Variants in EFNA5 observed in about 807,000 individuals in gnomAD.
EFNA5 encodes ephrin A5, also known as ephrin-A5.
A neutral mutation model predicts 22.9 loss-of-function variants in EFNA5; 5 were observed. That is an observed-to-expected ratio of 0.22 (90% CI 0.11 to 0.46). The LOEUF is 0.46. Ranked by LOEUF, EFNA5 falls within the 20% of genes least tolerant of loss-of-function variation. The pLI, the probability that EFNA5 is intolerant of heterozygous loss-of-function variation, is 0.99. For synonymous variants in EFNA5, 113 were observed against 112.2 expected, an observed-to-expected ratio of 1.01 and a Z score of -0.04; for missense variants, 237 against 293.3, an observed-to-expected ratio of 0.81 and a Z score of 1.40.
At chr5:107,611,048 TTC>T (rs932744859) in intron 1 of EFNA5, among the ~76,000 whole-genome samples, 8 of 152,150 alleles carry the variant, frequency 5.3e-5, no homozygotes, top group African/African-American at 1.7e-4. Context: ...CCCAATGATA[TTC>T]TGTCTCAAAT....
intron 1 of EFNA5, among the ~76,000 whole-genome samples, chr5:107,505,973 T>A (rs1747242523): frequency 6.6e-6 from 1 of 152,158 alleles, no homozygotes; most frequent in Non-Finnish European, 1.5e-5. Flanking sequence ...GAGCCAAGAT[T>A]TAAACCCTGG....
At chr5:107,534,101 G>A (rs1001253110) in intron 1 of EFNA5, among the ~76,000 whole-genome samples, 5 of 152,204 alleles carry the variant, frequency 3.3e-5, no homozygotes, top group African/African-American at 9.6e-5. Flanking sequence ...GACACTGTGT[G>A]TCTGAGCTTG....
intron 1 of EFNA5, among the ~76,000 whole-genome samples, chr5:107,629,676 G>T (rs1750208175): frequency 6.6e-6 from 1 of 152,212 alleles, no homozygotes; most frequent in African/African-American, 2.4e-5. Context: ...CATAACTAAA[G>T]TTGTCCAACC....
chr5:107,393,411 A>G (rs917453215), intron 2 of EFNA5, among the ~76,000 whole-genome samples: 1 of 152,218 alleles, frequency 6.6e-6, no homozygotes, highest in Non-Finnish European at 1.5e-5. Context: ...CAGGCCCAAC[A>G]CTGTACTCAT....
chr5:107,489,241 T>C (rs1746731787), intron 1 of EFNA5, among the ~76,000 whole-genome samples: 1 of 152,164 alleles, frequency 6.6e-6, no homozygotes. Flanking sequence ...TAGGGCAATC[T>C]TGGCTCACTG....
intron 1 of EFNA5, among the ~76,000 whole-genome samples, chr5:107,539,838 T>C (rs1158020862): frequency 6.6e-6 from 1 of 152,136 alleles, no homozygotes; most frequent in Admixed American, 6.5e-5. Flanking sequence ...CTATGGTTAA[T>C]TAAAAGGAGA....
intron 2 of EFNA5, among the ~76,000 whole-genome samples, chr5:107,417,517 T>C (rs1252106363): frequency 6.6e-6 from 1 of 152,176 alleles, no homozygotes; most frequent in Non-Finnish European, 1.5e-5. Flanking sequence ...AGAAACCATA[T>C]TTCAAGCCCA....
In EFNA5 at chr5:107,379,256, C is replaced by T. The variant is rs1166586357; in HGVS notation, c.*1999G>A. 2.0e-5 allele frequency: 3 copies of T among 152,086 alleles called. No homozygotes were observed. The highest frequency in any genetic ancestry group is 6.5e-5 in the Admixed American group (1 of 15,270). 9.4% of individuals were successfully genotyped at this position (152,086 alleles called of 1,614,324 possible). ...CCACTCCAAATGGATCAGGTAAGCC[C>T]AGATTACATTTCAACATGTGTACAA... On this transcript the variant is annotated 3_prime_UTR_variant, in exon 5 of 5. Coordinates refer to ENST00000333274, the MANE Select transcript of EFNA5 (RefSeq NM_001962.3).
chr5:107,470,318 G>T (rs1750104579), intron 1 of EFNA5, among the ~76,000 whole-genome samples: 1 of 152,196 alleles, frequency 6.6e-6, no homozygotes, highest in Non-Finnish European at 1.5e-5. Flanking sequence ...AGCCAGAGAT[G>T]CTATTTTAAG....
At chr5:107,399,195 T>C (rs1167065705) in intron 2 of EFNA5, among the ~76,000 whole-genome samples, 1 of 151,880 alleles carries the variant, frequency 6.6e-6, no homozygotes, top group Non-Finnish European at 1.5e-5. Flanking sequence ...CTCACGCCTG[T>C]AATCCCAGCA....
intron 1 of EFNA5, among the ~76,000 whole-genome samples, chr5:107,613,487 C>T (rs1180552893): frequency 6.6e-6 from 1 of 152,006 alleles, no homozygotes; most frequent in East Asian, 1.9e-4. Context: ...TAGAATGACC[C>T]TTGCTATATG....
At position 107,590,769 on chromosome 5, in the gene EFNA5, A is replaced by T. The variant is rs75746003; in HGVS notation, c.125+79720T>A. 2.1e-3 allele frequency among the ~76,000 whole-genome samples: 324 copies of T among 152,270 alleles called. 2 individuals are homozygous for T. Among genetic ancestry groups the T allele is most frequent in the African/African-American group, 7.0e-3 (292 of 41,550 alleles). ...GAATCTTACTTGTTCCATAGTCATAAAGCTGGACAAAACTCACTGCAACCA... is the reference window on the plus strand; with the variant it reads ...GAATCTTACTTGTTCCATAGTCATATAGCTGGACAAAACTCACTGCAACCA... On this transcript the variant is annotated intron_variant, in intron 1 of 4. Coordinates refer to ENST00000333274, the MANE Select transcript of EFNA5 (RefSeq NM_001962.3).
In EFNA5 at chr5:107,571,735, G is replaced by C. The variant is rs145069694; in HGVS notation, c.125+98754C>G. ...CGCATACCCACTGGCAGGAACCAAA[G>C]GGCTGTCACCCTGACGAGAGAAAAC... On this transcript the variant is annotated intron_variant, in intron 1 of 4. Transcript: ENST00000333274. Among the ~76,000 whole-genome samples the C allele has an allele frequency of 6.6e-3, 1,010 of 152,116 alleles. 18 individuals are homozygous for C. Among genetic ancestry groups the C allele is most frequent in the African/African-American group, 0.022 (925 of 41,494 alleles).
At chr5:107,466,763 G>C (rs1749997082) in intron 1 of EFNA5, among the ~76,000 whole-genome samples, 1 of 152,102 alleles carries the variant, frequency 6.6e-6, no homozygotes, top group African/African-American at 2.4e-5. Context: ...ATGCACAAAG[G>C]CTTGAGCGTT....
At chr5:107,449,943 T>A (rs1240969842) in intron 1 of EFNA5, among the ~76,000 whole-genome samples, 2 of 152,220 alleles carry the variant, frequency 1.3e-5, no homozygotes, top group African/African-American at 2.4e-5. Context: ...ATTTCTTTTG[T>A]TTCTCTAACT....
At chr5:107,583,030 A>T (rs964606125) in intron 1 of EFNA5, among the ~76,000 whole-genome samples, 4 of 152,190 alleles carry the variant, frequency 2.6e-5, no homozygotes, top group African/African-American at 4.8e-5. Flanking sequence ...ACATCTTCTA[A>T]AGTTCAACAA....
intron 2 of EFNA5, among the ~76,000 whole-genome samples, chr5:107,394,260 G>A (rs1747861750): frequency 6.6e-6 from 1 of 152,162 alleles, no homozygotes; most frequent in African/African-American, 2.4e-5. Flanking sequence ...TTCTTCTCTT[G>A]CAGCCCACTG....
intron 2 of EFNA5, among the ~76,000 whole-genome samples, chr5:107,424,255 G>T (rs1185611050): frequency 5.4e-5 from 7 of 129,096 alleles, no homozygotes; most frequent in Admixed American, 1.9e-4. Context: ...CACCCAGGCT[G>T]GAGTGCAGTG....
At chr5:107,412,468 T>C (rs1247631441) in intron 2 of EFNA5, among the ~76,000 whole-genome samples, 1 of 152,204 alleles carries the variant, frequency 6.6e-6, no homozygotes, top group Non-Finnish European at 1.5e-5. Flanking sequence ...TGATTAATAT[T>C]AATTCTGATT....
Sources: allele counts gnomAD v4.1 joint callset (sites outside exome capture counted in the v4.1 genomes callset), GRCh38; gene constraint gnomAD v4.1.1; transcripts MANE v1.5; gene names NCBI Gene and HGNC (gene_info 2026-07-23, HGNC 2026-07-21).